Variants in PCDHA13 observed in about 807,000 individuals in gnomAD.
PCDHA13 encodes the protein protocadherin alpha-13.
In PCDHA13, 54 loss-of-function variants were observed where a neutral mutation model predicts 64.8. That is an observed-to-expected ratio of 0.83 (90% CI 0.67 to 1.04). The LOEUF (loss-of-function observed/expected upper bound fraction) is 1.04, where lower values mean the gene tolerates loss of function less well. Ranked by LOEUF, PCDHA13 falls within the 50% of genes least tolerant of loss-of-function variation. PCDHA13 has a pLI of 0.00. For missense variants in PCDHA13, 1,248 were observed against 1,254.3 expected (o/e 0.99, Z 0.08); for synonymous variants, 587 against 564.4 (o/e 1.04, Z -0.57).
intron 1 of PCDHA13, chr5:140,967,690 C>G (rs782694266): frequency 6.2e-7 from 1 of 1,614,190 alleles, no homozygotes; most frequent in Non-Finnish European, 8.5e-7. Flanking sequence ...GGCAGCTCTT[C>G]AGCATAGATG....
chr5:140,927,917 TC>T (rs1554205257), intron 1 of PCDHA13: 2 of 1,614,182 alleles, frequency 1.2e-6, no homozygotes, highest in Non-Finnish European at 8.5e-7. Flanking sequence ...GAACTGGACT[TC>T]CTGACTCTTT....
intron 1 of PCDHA13, among the ~76,000 whole-genome samples, chr5:140,906,089 A>G (rs13182228): frequency 0.33 from 49,632 of 151,980 alleles, 8,394 homozygotes; most frequent in East Asian, 0.53. Flanking sequence ...CCAGACTGAG[A>G]GTAAGTGTGT....
intron 1 of PCDHA13, among the ~76,000 whole-genome samples, chr5:140,906,294 T>C (rs1554192469): frequency 1.3e-5 from 2 of 152,278 alleles, no homozygotes; most frequent in East Asian, 3.9e-4. Flanking sequence ...AAGACAATAA[T>C]AAGGTCATAA....
At chr5:140,951,289 T>C (rs546786558) in intron 1 of PCDHA13, among the ~76,000 whole-genome samples, 12 of 152,232 alleles carry the variant, frequency 7.9e-5, no homozygotes, top group Non-Finnish European at 1.3e-4. Context: ...TTTTGGATTA[T>C]ATCTTGATAT....
At chr5:140,991,569 A>G (rs1157834136) in intron 3 of PCDHA13, among the ~76,000 whole-genome samples, 4 of 152,188 alleles carry the variant, frequency 2.6e-5, no homozygotes, top group Admixed American at 6.5e-5. Flanking sequence ...GTTTCCAATA[A>G]CAGGCTCCTT....
At chr5:140,976,011 C>A (rs983997714) in intron 1 of PCDHA13, among the ~76,000 whole-genome samples, 10 of 152,230 alleles carry the variant, frequency 6.6e-5, no homozygotes, top group Admixed American at 1.3e-4. Flanking sequence ...TATTAAAGAA[C>A]TAAATAATCA....
chr5:140,991,482 G>A (rs781952323), intron 3 of PCDHA13, among the ~76,000 whole-genome samples: 3 of 152,204 alleles, frequency 2.0e-5, no homozygotes, highest in Non-Finnish European at 4.4e-5. Flanking sequence ...CTGGAAGTCA[G>A]AAGTCCACAG....
At chr5:140,890,697 C>G (rs1479609896) in intron 1 of PCDHA13, among the ~76,000 whole-genome samples, 1 of 152,124 alleles carries the variant, frequency 6.6e-6, no homozygotes, top group Non-Finnish European at 1.5e-5. Context: ...ATGCAGGGAC[C>G]TTACATTTTT....
chr5:140,911,827 A>C (rs2075655305), intron 1 of PCDHA13, among the ~76,000 whole-genome samples: 1 of 152,162 alleles, frequency 6.6e-6, no homozygotes, highest in African/African-American at 2.4e-5. Context: ...GAAACCCCAA[A>C]ACCAATGAAA....
chr5:140,979,882 A>C (rs1554241172), intron 2 of PCDHA13, among the ~76,000 whole-genome samples: 1 of 152,274 alleles, frequency 6.6e-6, no homozygotes, highest in Non-Finnish European at 1.5e-5. Context: ...TATCAAGTGA[A>C]TATTCACCAA....
chr5:141,010,096 A>G lies in PCDHA13; in HGVS notation c.*159A>G. The G allele has an allele frequency of 6.2e-7, 1 of 1,612,840 alleles. No individual in the cohort carries two copies. Among genetic ancestry groups the G allele is most frequent in the Non-Finnish European group, 8.5e-7 (1 of 1,179,378 alleles). ...CCTGTGTCTGTCTAGAACGCATTTA[A>G]CAGGTTTTGTCGTAAAAGCTTTACT... On this transcript the variant is annotated 3_prime_UTR_variant, in exon 4 of 4. Transcript: ENST00000289272.
chr5:140,926,629 G>C, intron 1 of PCDHA13: 1 of 406,364 alleles, frequency 2.5e-6, no homozygotes, highest in Non-Finnish European at 4.2e-6. Flanking sequence ...GCGGCGCTGC[G>C]CTCCTCAACA....
At chr5:140,902,257 C>T (rs1450183542) in intron 1 of PCDHA13, among the ~76,000 whole-genome samples, 2 of 140,176 alleles carry the variant, frequency 1.4e-5, no homozygotes, top group South Asian at 2.2e-4. Context: ...AGGCTGGTCT[C>T]GAACTCCTGG....
At chr5:140,966,680 A>AGCG in intron 1 of PCDHA13, 1 of 1,317,158 alleles carries the variant, frequency 7.6e-7, no homozygotes, top group Non-Finnish European at 9.8e-7. Flanking sequence ...GGGTGGCACG[A>AGCG]GCGGAGGCGG....
At position 140,882,310 on chromosome 5, in the gene PCDHA13, A is replaced by G. The variant is rs2059059274; in HGVS notation, c.42A>G (p.Leu14=). Residue 14 remains leucine (L), a synonymous_variant, in exon 1 of 4, where the codon CTA becomes CTG. Transcript: ENST00000289272. The stretch of plus-strand genomic sequence containing the variant: ...AAGGAGGCCCAAGACCGCGGCAACT[A>G]CTGCTCTGGCTTCTGATCCTCGCAG... ...SWQGGPRPRQ[L]LLWLLILAAW... 1 of 1,613,930 alleles carries G rather than the reference A, an allele frequency of 6.2e-7. No individual in the cohort carries two copies. Among genetic ancestry groups the G allele is most frequent in the Non-Finnish European group, 8.5e-7 (1 of 1,179,978 alleles).
chr5:140,921,706 T>C (rs2080341352), intron 1 of PCDHA13, among the ~76,000 whole-genome samples: 1 of 152,148 alleles, frequency 6.6e-6, no homozygotes, highest in Non-Finnish European at 1.5e-5. Flanking sequence ...TTTTAAACAG[T>C]AAACACACGA....
intron 3 of PCDHA13, among the ~76,000 whole-genome samples, chr5:141,006,862 A>G (rs1188678069): frequency 4.6e-5 from 7 of 152,244 alleles, no homozygotes; most frequent in Non-Finnish European, 1.0e-4. Flanking sequence ...TTAGAAAGGA[A>G]TAGATTCGAG....
At chr5:140,981,692 T>C (rs1168412872) in intron 2 of PCDHA13, among the ~76,000 whole-genome samples, 1 of 150,826 alleles carries the variant, frequency 6.6e-6, no homozygotes, top group Non-Finnish European at 1.5e-5. Flanking sequence ...CTTCCATCAT[T>C]CATTCATTCA....
intron 1 of PCDHA13, among the ~76,000 whole-genome samples, chr5:140,941,255 C>CTTTCTTTCTCTT (rs782490896): frequency 9.0e-5 from 4 of 44,506 alleles, no homozygotes; most frequent in Non-Finnish European, 1.5e-4. Flanking sequence ...TTCTTTCTTT[C>CTTTCTTTCTCTT]TCTTTCTTTC....
Sources: allele counts gnomAD v4.1 joint callset (sites outside exome capture counted in the v4.1 genomes callset), GRCh38; gene constraint gnomAD v4.1.1; transcripts MANE v1.5; gene names NCBI Gene and HGNC (gene_info 2026-07-23, HGNC 2026-07-21).